Variants in SSBP3 observed in about 807,000 individuals in gnomAD.
SSBP3 encodes the protein single-stranded DNA-binding protein 3.
SSBP3 carries 5 observed loss-of-function variants against 69.6 expected under a neutral mutation model. The ratio of observed to expected loss-of-function variants is 0.07; its 90% CI spans 0.04 to 0.15. SSBP3 has a LOEUF of 0.15. SSBP3 is among the 10% of genes least tolerant of loss of function. The pLI, the probability that SSBP3 is intolerant of heterozygous loss-of-function variation, is 1.00. For missense variants in SSBP3, 312 were observed against 534.0 expected, an observed-to-expected ratio of 0.58 and a Z score of 4.10; for synonymous variants, 196 against 193.4, an observed-to-expected ratio of 1.01 and a Z score of -0.11.
chr1:54,261,681 G>T (rs952580069), intron 5 of SSBP3, among the ~76,000 whole-genome samples: 2 of 152,150 alleles, frequency 1.3e-5, no homozygotes, highest in African/African-American at 4.8e-5. Flanking sequence ...TGGCCAGCAG[G>T]CCCAGCTCCA....
At chr1:54,329,659 T>C (rs1557536919) in intron 4 of SSBP3, among the ~76,000 whole-genome samples, 1 of 152,206 alleles carries the variant, frequency 6.6e-6, no homozygotes, top group Non-Finnish European at 1.5e-5. Flanking sequence ...ATTTTCCTGA[T>C]CTAATTCAGG....
intron 4 of SSBP3, among the ~76,000 whole-genome samples, chr1:54,333,199 T>C (rs1646450961): frequency 6.6e-6 from 1 of 152,138 alleles, no homozygotes; most frequent in Admixed American, 6.5e-5. Flanking sequence ...CCTGGAGACC[T>C]TGCATACCCC....
chr1:54,354,931 G>A (rs1646839954), intron 4 of SSBP3, among the ~76,000 whole-genome samples: 1 of 152,222 alleles, frequency 6.6e-6, no homozygotes, highest in African/African-American at 2.4e-5. Flanking sequence ...GTAGAAAAGA[G>A]AAAGGTGAAT....
At chr1:54,341,682 T>C (rs1481670477) in intron 4 of SSBP3, among the ~76,000 whole-genome samples, 2 of 150,610 alleles carry the variant, frequency 1.3e-5, no homozygotes, top group African/African-American at 2.5e-5. Context: ...GGAGGAAACA[T>C]GTACCCTAAA....
At chr1:54,401,971 T>C (rs1279168103) in intron 3 of SSBP3, 26 bp from the exon 4 acceptor site, 3 of 1,599,222 alleles carry the variant, frequency 1.9e-6, no homozygotes, top group South Asian at 2.2e-5. Flanking sequence ...TAAAATAAGG[T>C]CAGGTTACTA....
chr1:54,376,652 A>C (rs1647248088), intron 4 of SSBP3, among the ~76,000 whole-genome samples: 1 of 152,206 alleles, frequency 6.6e-6, no homozygotes, highest in African/African-American at 2.4e-5. Context: ...TTTCTTCTTC[A>C]TGAGATAGAC....
intron 5 of SSBP3, among the ~76,000 whole-genome samples, chr1:54,278,036 T>C (rs1010825770): frequency 6.6e-6 from 1 of 152,306 alleles, no homozygotes; most frequent in Middle Eastern, 3.4e-3. Context: ...GCCTGCTCCA[T>C]CTACTGGTGA....
chr1:54,243,195 C>A (rs1485233090), intron 10 of SSBP3, 40 bp downstream of exon 10: 7 of 1,599,060 alleles, frequency 4.4e-6, no homozygotes, highest in Non-Finnish European at 6.0e-6. Flanking sequence ...TGGGGGAAGA[C>A]CTGGACTCTG....
At chr1:54,263,283 G>A (rs560963085) in intron 5 of SSBP3, among the ~76,000 whole-genome samples, 2 of 152,302 alleles carry the variant, frequency 1.3e-5, no homozygotes, top group African/African-American at 4.8e-5. Context: ...CAGCCCTCCC[G>A]CACGCTCCGG....
chr1:54,378,849 G>A (rs1183176363), intron 4 of SSBP3, among the ~76,000 whole-genome samples: 1 of 152,198 alleles, frequency 6.6e-6, no homozygotes, highest in African/African-American at 2.4e-5. Flanking sequence ...AAGAGAGCCC[G>A]CTTTATCCTC....
At chr1:54,229,316 G>C (rs933436843) in intron 14 of SSBP3, among the ~76,000 whole-genome samples, 1 of 152,198 alleles carries the variant, frequency 6.6e-6, no homozygotes, top group African/African-American at 2.4e-5. Context: ...GGAGGAGCTG[G>C]GACTGGAACC....
At chr1:54,372,553 G>A (rs144937253) in intron 4 of SSBP3, among the ~76,000 whole-genome samples, 33 of 152,242 alleles carry the variant, frequency 2.2e-4, no homozygotes, top group East Asian at 1.2e-3. Flanking sequence ...TCTGTCTGCC[G>A]TTCCAGACAA....
chr1:54,262,157 C>G (rs1325319129), intron 5 of SSBP3, among the ~76,000 whole-genome samples: 6 of 152,082 alleles, frequency 3.9e-5, no homozygotes, highest in Admixed American at 2.0e-4. Flanking sequence ...GGAATGGGGC[C>G]GTGAGAGTAA....
chr1:54,345,651 A>G (rs762322492), intron 4 of SSBP3, among the ~76,000 whole-genome samples: 1 of 152,324 alleles, frequency 6.6e-6, no homozygotes, highest in Non-Finnish European at 1.5e-5. Context: ...GTCTCACCCC[A>G]AACGCCAAGC....
At chr1:54,280,635 T>C (rs995030876) in intron 5 of SSBP3, among the ~76,000 whole-genome samples, 3 of 152,226 alleles carry the variant, frequency 2.0e-5, no homozygotes, top group African/African-American at 7.2e-5. Flanking sequence ...CTTACAGCCC[T>C]GCACGCTGTA....
intron 5 of SSBP3, among the ~76,000 whole-genome samples, chr1:54,275,251 C>T (rs930348637): frequency 1.3e-5 from 2 of 152,236 alleles, no homozygotes; most frequent in African/African-American, 2.4e-5. Flanking sequence ...CCTTCCCTTG[C>T]CCTGCCTTCA....
intron 4 of SSBP3, among the ~76,000 whole-genome samples, chr1:54,328,298 A>T (rs1424334363): frequency 6.6e-6 from 1 of 152,176 alleles, no homozygotes. Context: ...CATGTGCTGA[A>T]ATCAGGACTG....
intron 4 of SSBP3, among the ~76,000 whole-genome samples, chr1:54,283,190 C>A (rs1383546459): frequency 6.6e-6 from 1 of 151,178 alleles, no homozygotes; most frequent in African/African-American, 2.4e-5. Context: ...TTCACTTGAA[C>A]TCAGGAGGCA....
intron 4 of SSBP3, among the ~76,000 whole-genome samples, chr1:54,389,168 C>T (rs1024463589): frequency 3.9e-5 from 6 of 152,152 alleles, no homozygotes; most frequent in African/African-American, 1.4e-4. Flanking sequence ...AAAGTCTCAT[C>T]AGCAGCTATA....
Sources: gnomAD v4.1 joint callset for allele counts (sites outside exome capture counted in the v4.1 genomes callset) on GRCh38, gnomAD v4.1.1 for gene constraint, MANE v1.5 for transcripts, NCBI Gene and HGNC (gene_info 2026-07-23, HGNC 2026-07-21) for gene names.